Variants in HERC2 observed in about 807,000 individuals in gnomAD.
The protein encoded by HERC2 is HECT and RLD domain containing E3 ubiquitin protein ligase 2, also known as E3 ubiquitin-protein ligase HERC2.
A neutral mutation model predicts 537.7 loss-of-function variants in HERC2; 102 were observed. The ratio of observed to expected loss-of-function variants is 0.19; its 90% CI spans 0.16 to 0.22. The LOEUF (loss-of-function observed/expected upper bound fraction) is 0.22, where lower values mean the gene tolerates loss of function less well. HERC2 is among the 10% of genes least tolerant of loss of function. HERC2 has a pLI of 1.00. For synonymous variants in HERC2, 2,224 were observed against 2,466.2 expected, an observed-to-expected ratio of 0.90 and a Z score of 2.91; for missense variants, 4,236 against 6,198.2, an observed-to-expected ratio of 0.68 and a Z score of 10.63.
intron 81 of HERC2, 80 bp from the exon 82 acceptor site, chr15:28,130,674 A>C: frequency 1.0e-6 from 1 of 973,300 alleles, no homozygotes; most frequent in Non-Finnish European, 1.7e-6. Flanking sequence ...GATTTAACTA[A>C]ATCTAGTAAG....
At chr15:28,141,673 A>C in intron 77 of HERC2, 43 bp from the exon 78 acceptor site, 1 of 1,611,834 alleles carries the variant, frequency 6.2e-7, no homozygotes. Flanking sequence ...GGCAAGAACA[A>C]TGCACACAGC....
chr15:28,215,561 G>T, intron 39 of HERC2, 60 bp downstream of exon 39: 1 of 1,445,288 alleles, frequency 6.9e-7, no homozygotes. Flanking sequence ...TCTGAAGGCA[G>T]GGAACTTCAG....
chr15:28,115,766 C>G (rs1379832404), intron 88 of HERC2, among the ~76,000 whole-genome samples: 1 of 152,158 alleles, frequency 6.6e-6, no homozygotes, highest in East Asian at 1.9e-4. Context: ...CCTTTCTGCA[C>G]GCACACTAGT....
intron 2 of HERC2, chr15:28,315,590 CAA>C (rs1257723898): frequency 4.2e-6 from 2 of 478,216 alleles, no homozygotes; most frequent in Non-Finnish European, 8.3e-6. Flanking sequence ...CTCAGGAGTT[CAA>C]GACCAGCCTG....
chr15:28,155,638 G>A (rs1012280462), intron 69 of HERC2, among the ~76,000 whole-genome samples: 3 of 150,830 alleles, frequency 2.0e-5, no homozygotes, highest in Non-Finnish European at 4.4e-5. Context: ...ATTTCTTTGA[G>A]TTCTTTGTAG....
At chr15:28,181,552 G>A (rs1398731134) in intron 57 of HERC2, among the ~76,000 whole-genome samples, 1 of 152,240 alleles carries the variant, frequency 6.6e-6, no homozygotes, top group Non-Finnish European at 1.5e-5. Flanking sequence ...ATGATGTGAT[G>A]TCTCACAGAA....
intron 5 of HERC2, among the ~76,000 whole-genome samples, chr15:28,277,415 G>A (rs1413278296): frequency 4.7e-5 from 7 of 149,722 alleles, no homozygotes; most frequent in African/African-American, 1.5e-4. Flanking sequence ...AACAGTACAA[G>A]GAATCTCTAT....
Position 28,248,586 on chromosome 15 carries a change from T to G in HERC2, c.3201A>C (p.Pro1067=). 1 of 1,613,962 alleles carries G rather than the reference T, an allele frequency of 6.2e-7. No individual in the cohort carries two copies. Among genetic ancestry groups the G allele is most frequent in the Non-Finnish European group, 8.5e-7 (1 of 1,179,826 alleles). The part of the protein sequence containing the change: ...FQRLLISKLY[P]GESIGQTSDI... ...CTGAGGTCTGACCAATACTTTCTCC[T>G]GGATAAAGTTTACTAATAAGCAAAC... Residue 1067 remains proline (P), a synonymous_variant, in exon 21 of 93, where the codon CCA becomes CCC. Transcript: ENST00000261609.
chr15:28,178,750 G>GA (rs1895537296), intron 59 of HERC2, 137 bp downstream of exon 59: 1 of 988,900 alleles, frequency 1.0e-6, no homozygotes, highest in Non-Finnish European at 1.4e-6. Context: ...ACCACCTAGA[G>GA]ATTTACATTA....
chr15:28,203,713 A>G (rs1476275423), intron 45 of HERC2: 2 of 152,100 alleles, frequency 1.3e-5, no homozygotes, highest in Non-Finnish European at 2.9e-5. Context: ...AGTAACCAGA[A>G]TGCGAGGGAA....
intron 2 of HERC2, among the ~76,000 whole-genome samples, chr15:28,303,284 C>T (rs867130720): frequency 3.9e-5 from 6 of 152,306 alleles, no homozygotes; most frequent in South Asian, 2.1e-4. Flanking sequence ...ACGTATCCTC[C>T]GGGCACCTCT....
chr15:28,284,312 A>T (rs184750836), intron 4 of HERC2, among the ~76,000 whole-genome samples: 125 of 152,330 alleles, frequency 8.2e-4, no homozygotes, highest in Non-Finnish European at 1.4e-3. Context: ...AACCACAGAG[A>T]GCCAGGAAGA....
At chr15:28,174,874 C>T (rs1486577092) in intron 64 of HERC2, among the ~76,000 whole-genome samples, 2 of 152,082 alleles carry the variant, frequency 1.3e-5, no homozygotes, top group South Asian at 2.1e-4. Flanking sequence ...TCCAATTCTG[C>T]TTTGTTGCAA....
intron 68 of HERC2, among the ~76,000 whole-genome samples, 180 bp downstream of exon 68, chr15:28,167,507 A>G (rs781109190): frequency 6.6e-6 from 1 of 152,230 alleles, no homozygotes; most frequent in Non-Finnish European, 1.5e-5. Flanking sequence ...GGAAGCAGTA[A>G]GCAGTGACAG....
rs777589078 is a variant in HERC2 at position 28,179,257 on chromosome 15, AAAG to A, written c.8938-37_8938-35del. ...GAATTTTTTTAACAAAAAAAAAAGAAAAGAAAATTTTACTTGCATGTTTAAAAT... is the reference window on the plus strand; with the variant it reads ...GAATTTTTTTAACAAAAAAAAAAGAAAAAATTTTACTTGCATGTTTAAAAT... On this transcript the variant is annotated intron_variant, in intron 57 of 92. Transcript: ENST00000261609. The A allele has an allele frequency of 1.7e-5, 26 of 1,503,124 alleles. No homozygotes were observed. The South Asian group carries it at 2.9e-4, about 17-fold the overall frequency. 93.1% of individuals were successfully genotyped at this position (1,503,124 alleles called of 1,614,324 possible).
intron 64 of HERC2, among the ~76,000 whole-genome samples, chr15:28,175,088 T>C (rs527702609): frequency 2.0e-5 from 3 of 151,982 alleles, no homozygotes; most frequent in Non-Finnish European, 4.4e-5. Context: ...TGAATATCCA[T>C]AAGCCAGTCA....
chr15:28,274,921 G>A lies in HERC2; in HGVS notation c.627C>T (p.Arg209=), dbSNP rs750586682. ...AALSFAFAFL[R]RAWRSGEDAD... ...GGACCGTACCTGATCGCCAGGCCCT[G>A]CGCAGGAAGGCAAAGGCAAAAGACA... The change falls in exon 6 of 93, where the codon CGC becomes CGT. Residue 209 remains arginine (R), a synonymous_variant. Transcript: ENST00000261609. 3.1e-6 allele frequency: 5 copies of A among 1,611,436 alleles called. No homozygotes were observed. The Admixed American group carries it at 8.3e-5, about 27-fold the overall frequency.
At chr15:28,316,059 T>TAA (rs11396433) in intron 2 of HERC2, 5,979 of 271,482 alleles carry the variant, frequency 0.022, no homozygotes, top group South Asian at 0.032. Context: ...TTCCGCTGTT[T>TAA]AAAAAAAAAA....
intron 27 of HERC2, 128 bp downstream of exon 27, chr15:28,233,942 A>T (rs1902153484): frequency 3.0e-6 from 2 of 676,202 alleles, no homozygotes; most frequent in Non-Finnish European, 5.3e-6. Context: ...TTCTCACCTC[A>T]AAACCCTCCA....
Sources: gnomAD v4.1 joint callset for allele counts (sites outside exome capture counted in the v4.1 genomes callset) on GRCh38, gnomAD v4.1.1 for gene constraint, MANE v1.5 for transcripts, NCBI Gene and HGNC (gene_info 2026-07-23, HGNC 2026-07-21) for gene names.